PHF2: variants seen among roughly 807,000 people sequenced by gnomAD.
PHF2 encodes the protein lysine-specific demethylase PHF2.
Under a neutral mutation model 120.5 loss-of-function variants are expected in PHF2, and 27 were observed. That is an observed-to-expected ratio of 0.22 (90% CI 0.17 to 0.31). The LOEUF (loss-of-function observed/expected upper bound fraction) is 0.31, where lower values mean the gene tolerates loss of function less well. PHF2 is among the 10% of genes least tolerant of loss of function. The pLI is 1.00. For synonymous variants in PHF2, 568 were observed against 592.5 expected, an observed-to-expected ratio of 0.96 and a Z score of 0.60; for missense variants, 1,024 against 1,434.8, an observed-to-expected ratio of 0.71 and a Z score of 4.63.
At chr9:93,660,693 C>G (rs1474322008) in intron 12 of PHF2, 133 bp downstream of exon 12, 1 of 825,680 alleles carries the variant, frequency 1.2e-6, no homozygotes, top group Non-Finnish European at 1.8e-6. Flanking sequence ...ATGTGGGGGT[C>G]TGGGCTCTTG....
chr9:93,629,953 A>G lies in PHF2; in HGVS notation c.99-17A>G, dbSNP rs756143216. On this transcript the variant is annotated splice_polypyrimidine_tract_variant and intron_variant, in intron 1 of 21. Coordinates refer to ENST00000359246, the MANE Select transcript of PHF2 (RefSeq NM_005392.4). ...GTGCTGAATGCCTAGGTAATGGTCT[A>G]TTTCGTCTCGTTTCAGCTGTGTTGG... 1.7e-5 allele frequency: 27 copies of G among 1,589,372 alleles called. No homozygotes were observed. The African/African-American group carries it at 2.0e-4, about 12-fold the overall frequency.
chr9:93,631,410 T>C (rs2131654444), intron 2 of PHF2, among the ~76,000 whole-genome samples: 1 of 152,350 alleles, frequency 6.6e-6, no homozygotes, highest in South Asian at 2.1e-4. Context: ...TTCAGGCTGA[T>C]AGTTTGCCTG....
intron 1 of PHF2, among the ~76,000 whole-genome samples, chr9:93,601,131 A>C (rs527968203): frequency 2.0e-5 from 3 of 152,210 alleles, no homozygotes. Context: ...GGAGAAAAAA[A>C]GGCATATTAT....
chr9:93,672,047 G>A (rs1826805409), intron 17 of PHF2, among the ~76,000 whole-genome samples: 1 of 147,712 alleles, frequency 6.8e-6, no homozygotes, highest in Non-Finnish European at 1.5e-5. Flanking sequence ...TGTAGATGCA[G>A]GTGTGGGTGT....
intron 1 of PHF2, among the ~76,000 whole-genome samples, chr9:93,589,963 G>C (rs566405200): frequency 6.6e-6 from 1 of 152,316 alleles, no homozygotes; most frequent in South Asian, 2.1e-4. Context: ...GCTTCCCCTG[G>C]TTGGCATGTA....
chr9:93,618,102 G>T (rs1347206419), intron 1 of PHF2, among the ~76,000 whole-genome samples: 1 of 152,210 alleles, frequency 6.6e-6, no homozygotes, highest in Admixed American at 6.5e-5. Context: ...CTAGTTATTG[G>T]GCTTTGGGCA....
At chr9:93,631,158 C>G (rs1383257014) in intron 2 of PHF2, among the ~76,000 whole-genome samples, 7 of 152,158 alleles carry the variant, frequency 4.6e-5, no homozygotes, top group Non-Finnish European at 8.8e-5. Flanking sequence ...TGAGCTGAGG[C>G]TGGGTCGAGG....
chr9:93,608,008 AGAAGGAAAGGAG>A (rs200653852), intron 1 of PHF2, among the ~76,000 whole-genome samples: 19,790 of 134,862 alleles, frequency 0.15, 1,358 homozygotes, highest in East Asian at 0.2. Flanking sequence ...AGAGAGAGAG[AGAAGGAAAGGAG>A]GAAGGAAAGA....
intron 1 of PHF2, among the ~76,000 whole-genome samples, chr9:93,622,332 C>A (rs1343971141): frequency 2.0e-5 from 3 of 152,344 alleles, no homozygotes; most frequent in Non-Finnish European, 4.4e-5. Flanking sequence ...AGAATAACAG[C>A]CCCCGCTGTC....
rs1487599018 is a variant in PHF2 at position 93,677,617 on chromosome 9, G to A, written c.3232G>A (p.Ala1078Thr). The change falls in exon 22 of 22, where the codon GCC (alanine) becomes ACC (threonine). Residue 1078 changes from alanine (A) to threonine (T), a missense_variant. Ala to Thr is a moderately conservative substitution (Grantham distance 58). Coordinates refer to ENST00000359246, the MANE Select transcript of PHF2 (RefSeq NM_005392.4). This position sits in a 1 kb window ranked among gnomAD's most constrained non-coding sequence, Gnocchi z 4.4. ...GKRTKKGMAT[A>T]KQRLGKILKI... ...ACGTACGAAAAAGGGCATGGCGACC[G>A]CCAAGCAGAGGCTTGGGAAAATTTT... The A allele has an allele frequency of 1.2e-6, 2 of 1,613,616 alleles. No homozygotes were observed. The highest frequency in any genetic ancestry group is 1.7e-6 in the Non-Finnish European group (2 of 1,179,884).
At chr9:93,586,507 G>A (rs530938342) in intron 1 of PHF2, among the ~76,000 whole-genome samples, 2 of 152,336 alleles carry the variant, frequency 1.3e-5, no homozygotes, top group South Asian at 2.1e-4. Context: ...GCCAGCAGCC[G>A]GCCAGCAGCC....
rs1055349906 is a variant in PHF2, at chr9:93,593,207, A to G, written c.98+16336A>G. ...TGGAGTTGTTGGGAGGGCCTCCTTT[A>G]TTTCCATTTTCTATTCCAAAGCTGA... On this transcript the variant is annotated intron_variant, in intron 1 of 21. Transcript: ENST00000359246. Among the ~76,000 whole-genome samples, 10 of 150,546 alleles carry G rather than the reference A, an allele frequency of 6.6e-5. 1 individual carries two copies. The highest frequency in any genetic ancestry group is 1.2e-4 in the Non-Finnish European group (8 of 67,840).
In PHF2 at chr9:93,645,658, G is replaced by C. The variant is rs1182005327; in HGVS notation, c.329G>C (p.Gly110Ala). ...SAEDVVARVP[G>A]SQLTLGYMEE... ...GAAGACGTGGTGGCCCGTGTGCCAG[G>C]AAGTCAGCTCACGCTGGGCTACATG... The change falls in exon 4 of 22, where the codon GGA becomes GCA. Residue 110 changes from glycine to alanine, a missense_variant. Gly to Ala is a moderately conservative substitution (Grantham distance 60). Coordinates refer to ENST00000359246, the MANE Select transcript of PHF2 (RefSeq NM_005392.4). 1 of 1,608,476 alleles carries C rather than the reference G, an allele frequency of 6.2e-7. No individual in the cohort carries two copies. Among genetic ancestry groups the C allele is most frequent in the African/African-American group, 1.3e-5 (1 of 74,820 alleles).
At chr9:93,631,398 C>T (rs1372332685) in intron 2 of PHF2, among the ~76,000 whole-genome samples, 1 of 152,210 alleles carries the variant, frequency 6.6e-6, no homozygotes, top group East Asian at 1.9e-4. Flanking sequence ...TCTTCCTGAA[C>T]TTTCAGGCTG....
chr9:93,666,910 C>T (rs770333715), intron 16 of PHF2, among the ~76,000 whole-genome samples, 170 bp from the exon 17 acceptor site: 4 of 151,646 alleles, frequency 2.6e-5, no homozygotes, highest in Non-Finnish European at 4.4e-5. Flanking sequence ...GGCGACAGAG[C>T]GAGACTCCAT....
At chr9:93,660,139 T>C in intron 11 of PHF2, 53 bp from the exon 12 acceptor site, 1 of 1,482,188 alleles carries the variant, frequency 6.7e-7, no homozygotes, top group Middle Eastern at 1.8e-4. Context: ...TGGACCGTCT[T>C]GGGCCACAGT....
intron 17 of PHF2, among the ~76,000 whole-genome samples, chr9:93,673,345 A>G (rs1166983299): frequency 3.3e-5 from 5 of 151,988 alleles, no homozygotes; most frequent in Non-Finnish European, 7.4e-5. Flanking sequence ...CTCTGTCTCC[A>G]GGCCTCCAGC....
At chr9:93,654,286 T>G in intron 6 of PHF2, 127 bp from the exon 7 acceptor site, 1 of 764,520 alleles carries the variant, frequency 1.3e-6, no homozygotes, top group South Asian at 1.7e-5. Context: ...AAAGCACCTG[T>G]GCCCTCAGTG....
At chr9:93,645,031 C>T (rs894739379) in intron 3 of PHF2, among the ~76,000 whole-genome samples, 8 of 152,158 alleles carry the variant, frequency 5.3e-5, no homozygotes, top group African/African-American at 1.9e-4. Flanking sequence ...CCCTGCCCCT[C>T]TGCTGCTTCC....
Sources: allele counts gnomAD v4.1 joint callset (sites outside exome capture counted in the v4.1 genomes callset), GRCh38; gene constraint gnomAD v4.1.1; non-coding constraint Gnocchi (gnomAD v3.1); transcripts MANE v1.5; gene names NCBI Gene and HGNC (gene_info 2026-07-23, HGNC 2026-07-21).